The following SLC30A4 variants were observed in gnomAD, a reference collection of about 807,000 sequenced individuals.
SLC30A4 encodes probable proton-coupled zinc antiporter SLC30A4.
Under a neutral mutation model 41.7 loss-of-function variants are expected in SLC30A4, and 20 were observed. The ratio of observed to expected loss-of-function variants is 0.48; its 90% CI spans 0.34 to 0.70. SLC30A4 has a LOEUF of 0.70. Among genes scored for constraint, SLC30A4 ranks in the 30% least tolerant of loss-of-function variants. The pLI, the probability that SLC30A4 is intolerant of heterozygous loss-of-function variation, is 0.01. For synonymous variants in SLC30A4, 181 were observed against 195.9 expected (o/e 0.92, Z 0.64); for missense variants, 441 against 529.3 (o/e 0.83, Z 1.64).
At chr15:45,508,339 C>T (rs1012428436) in intron 3 of SLC30A4, among the ~76,000 whole-genome samples, 5 of 152,008 alleles carry the variant, frequency 3.3e-5, no homozygotes, top group Non-Finnish European at 7.4e-5. Context: ...TTTTACTTGG[C>T]GGAAAGTGTA....
intron 3 of SLC30A4, among the ~76,000 whole-genome samples, chr15:45,493,383 G>C (rs1057399157): frequency 3.3e-5 from 5 of 152,172 alleles, no homozygotes; most frequent in African/African-American, 1.2e-4. Context: ...AAATAATCTG[G>C]AAAACTGTTA....
At chr15:45,505,495 C>T (rs1892136525) in intron 3 of SLC30A4, among the ~76,000 whole-genome samples, 1 of 152,150 alleles carries the variant, frequency 6.6e-6, no homozygotes, top group African/African-American at 2.4e-5. Flanking sequence ...TGCAGAATCC[C>T]AAGACAATAT....
At chr15:45,508,600 G>C (rs1342166784) in intron 3 of SLC30A4, among the ~76,000 whole-genome samples, 1 of 152,098 alleles carries the variant, frequency 6.6e-6, no homozygotes, top group African/African-American at 2.4e-5. Context: ...AAAAATTTCT[G>C]GAAATGTGTT....
At position 45,490,880 on chromosome 15, in the gene SLC30A4, C is replaced by T. The variant is rs1891798100; in HGVS notation, c.540G>A (p.Glu180=). 6.4e-7 allele frequency: 1 copy of T among 1,560,550 alleles called. No individual in the cohort carries two copies. Among genetic ancestry groups the T allele is most frequent in the Non-Finnish European group, 8.7e-7 (1 of 1,152,692 alleles). The change falls in exon 4 of 8, where the codon GAG becomes GAA. Residue 180 remains glutamate, a splice_region_variant and synonymous_variant. Coordinates refer to ENST00000261867, the MANE Select transcript of SLC30A4 (RefSeq NM_013309.6). The part of the protein sequence containing the change: ...KRFTFGFHRL[E]VLSAMISVLL... ...GCACACTAATCATAGCTGACAAAAC[C>T]TCTAGAGGGAAAAACACATATAACA...
chr15:45,494,324 A>T (rs1438385132), intron 3 of SLC30A4, among the ~76,000 whole-genome samples: 1 of 152,230 alleles, frequency 6.6e-6, no homozygotes, highest in Non-Finnish European at 1.5e-5. Flanking sequence ...GTGTAAGCCA[A>T]ATAAAAAAAA....
chr15:45,484,480 A>G lies in SLC30A4; in HGVS notation c.*683T>C, dbSNP rs1049427911. On this transcript the variant is annotated 3_prime_UTR_variant, in exon 8 of 8. Transcript: ENST00000261867. Reference sequence around the variant, plus strand: ...TTTCCTAAATCATTTAATAACAGTGACCACAATAAATAAAGATTTGGTTCT... The same window carrying G: ...TTTCCTAAATCATTTAATAACAGTGGCCACAATAAATAAAGATTTGGTTCT... 1.3e-5 allele frequency: 2 copies of G among 152,208 alleles called. No homozygotes were observed. The highest frequency in any genetic ancestry group is 4.8e-5 in the African/African-American group (2 of 41,448). 9.4% of individuals were successfully genotyped at this position (152,208 alleles called of 1,614,324 possible). A position where few individuals can be genotyped will look rare whatever the true frequency, so the allele number is the denominator to read the frequency against.
intron 6 of SLC30A4, 131 bp from the exon 7 acceptor site, chr15:45,486,876 T>G: frequency 1.8e-6 from 1 of 544,576 alleles, no homozygotes. Context: ...TTTAAAATAT[T>G]AATACTTCAA....
chr15:45,490,757 G>A lies in SLC30A4; in HGVS notation c.663C>T (p.Thr221=), dbSNP rs748311093. 33 of 1,606,002 alleles carry A rather than the reference G, an allele frequency of 2.1e-5. No individual in the cohort carries two copies. Among genetic ancestry groups the A allele is most frequent in the Middle Eastern group, 1.7e-4 (1 of 6,046 alleles). The change falls in exon 4 of 8, where the codon ACC becomes ACT. Residue 221 remains threonine, a synonymous_variant. Coordinates refer to ENST00000261867, the MANE Select transcript of SLC30A4 (RefSeq NM_013309.6). ...YEINGDIMLI[T]AAVGVAVNVI... is the part of the protein sequence containing the mutation. Reference sequence around the variant, plus strand: ...CATTAACTGCAACTCCAACAGCTGCGGTGATGAGCATTATATCTCCATTTA... The same window carrying A: ...CATTAACTGCAACTCCAACAGCTGCAGTGATGAGCATTATATCTCCATTTA...
intron 2 of SLC30A4, chr15:45,521,698 T>G: frequency 2.5e-6 from 1 of 406,336 alleles, no homozygotes; most frequent in Non-Finnish European, 4.4e-6. Context: ...TTACATGACA[T>G]ACAATGAAGA....
chr15:45,517,665 T>C (rs1041651463), intron 2 of SLC30A4, among the ~76,000 whole-genome samples: 1 of 151,904 alleles, frequency 6.6e-6, no homozygotes, highest in African/African-American at 2.4e-5. Context: ...CCTTATCTGG[T>C]TGGCCAGGCG....
At chr15:45,515,438 A>T (rs1424089119) in intron 2 of SLC30A4, among the ~76,000 whole-genome samples, 2 of 152,026 alleles carry the variant, frequency 1.3e-5, no homozygotes, top group Non-Finnish European at 2.9e-5. Flanking sequence ...GTGGATCACG[A>T]GGTCAGGAGA....
At chr15:45,506,322 T>C (rs1003330334) in intron 3 of SLC30A4, among the ~76,000 whole-genome samples, 8 of 152,184 alleles carry the variant, frequency 5.3e-5, no homozygotes, top group African/African-American at 1.9e-4. Context: ...CACCCCACCA[T>C]GTCATCAAAA....
intron 3 of SLC30A4, among the ~76,000 whole-genome samples, chr15:45,494,782 C>T (rs1749891618): frequency 6.6e-6 from 1 of 152,138 alleles, no homozygotes; most frequent in Non-Finnish European, 1.5e-5. Flanking sequence ...CCTCCTACCA[C>T]CAGGAGAACT....
chr15:45,501,262 C>T (rs945910700), intron 3 of SLC30A4, among the ~76,000 whole-genome samples: 2 of 151,642 alleles, frequency 1.3e-5, no homozygotes, highest in African/African-American at 2.4e-5. Context: ...GAGCCAAGAT[C>T]GTGCCACTGC....
At chr15:45,496,123 A>G (rs925691254) in intron 3 of SLC30A4, among the ~76,000 whole-genome samples, 25 of 152,246 alleles carry the variant, frequency 1.6e-4, no homozygotes, top group African/African-American at 5.8e-4. Flanking sequence ...CAAAGACAAT[A>G]CTATCTAACT....
chr15:45,500,616 CTAT>C (rs1740669503), intron 3 of SLC30A4, among the ~76,000 whole-genome samples: 12 of 19,520 alleles, frequency 6.1e-4, no homozygotes, highest in African/African-American at 3.9e-3. Context: ...AAGGGTCTGT[CTAT>C]CTATCTATCT....
chr15:45,484,644 A>T lies in SLC30A4; in HGVS notation c.*519T>A, dbSNP rs1415225027. 1 of 152,438 alleles carries T rather than the reference A, an allele frequency of 6.6e-6. No individual in the cohort carries two copies. The highest frequency in any genetic ancestry group is 1.5e-5 in the Non-Finnish European group (1 of 68,202). The allele number at this position is 152,438 out of a possible 1,614,324, so 9.4% of individuals were successfully genotyped here. On this transcript the variant is annotated 3_prime_UTR_variant, in exon 8 of 8. Coordinates refer to ENST00000261867, the MANE Select transcript of SLC30A4 (RefSeq NM_013309.6). ...TAAAACATTTCTGAAACACTTAGGA[A>T]TACATGCTTATTCCACTTTTGGGAT... is the stretch of plus-strand genomic sequence containing the variant.
Position 45,490,726 on chromosome 15 carries a change from A to G in SLC30A4, c.692+2T>C. ...TATTAATGTGAAAAAAATAGAGCTT[A>G]CATTACATTAACTGCAACTCCAACA... On this transcript the variant is annotated splice_donor_variant, in intron 4 of 7. Transcript: ENST00000261867. LOFTEE classifies it high-confidence loss of function. The G allele has an allele frequency of 6.3e-7, 1 of 1,592,212 alleles. No homozygotes were observed. The highest frequency in any genetic ancestry group is 8.5e-7 in the Non-Finnish European group (1 of 1,170,236).
rs1243734496 is a variant in SLC30A4 at position 45,485,156 on chromosome 15, C to T, written c.*7G>A. On this transcript the variant is annotated 3_prime_UTR_variant, in exon 8 of 8. Transcript: ENST00000261867. The stretch of plus-strand genomic sequence containing the variant: ...AAATAAGGCAGGAGTTCCCAAAATA[C>T]ATAAAATTAGGGACTAGAACTCTGA... 6.2e-7 allele frequency: 1 copy of T among 1,607,006 alleles called. No individual in the cohort carries two copies. Among genetic ancestry groups the T allele is most frequent in the Non-Finnish European group, 8.5e-7 (1 of 1,177,498 alleles).
Sources: allele counts gnomAD v4.1 joint callset (sites outside exome capture counted in the v4.1 genomes callset), GRCh38; gene constraint gnomAD v4.1.1; transcripts MANE v1.5; gene names NCBI Gene and HGNC (gene_info 2026-07-23, HGNC 2026-07-21).